The following EFCAB14 variants were observed in gnomAD, a reference collection of about 807,000 sequenced individuals.
The protein encoded by EFCAB14 is EF-hand calcium-binding domain-containing protein 14.
In EFCAB14, 43 loss-of-function variants were observed where a neutral mutation model predicts 56.5. The ratio of observed to expected loss-of-function variants is 0.76; its 90% CI spans 0.60 to 0.98. The LOEUF (loss-of-function observed/expected upper bound fraction) is 0.98, where lower values mean the gene tolerates loss of function less well. Among genes scored for constraint, EFCAB14 ranks in the 50% least tolerant of loss-of-function variants. EFCAB14 has a pLI of 0.00. For synonymous variants in EFCAB14, 235 were observed against 212.9 expected (o/e 1.10, Z -0.90); for missense variants, 538 against 580.3 (o/e 0.93, Z 0.75).
At chr1:46,704,626 C>A (rs916083586) in intron 3 of EFCAB14, among the ~76,000 whole-genome samples, 8 of 152,090 alleles carry the variant, frequency 5.3e-5, no homozygotes, top group Non-Finnish European at 8.8e-5. Context: ...CTTCCCAGCC[C>A]CTGTTGTTTT....
chr1:46,680,638 C>T (rs775053356), intron 10 of EFCAB14, among the ~76,000 whole-genome samples: 5 of 152,066 alleles, frequency 3.3e-5, no homozygotes, highest in African/African-American at 1.2e-4. Flanking sequence ...TGAAAATGTT[C>T]TGGAATTAGA....
chr1:46,689,480 T>C (rs1352870630), intron 6 of EFCAB14, 107 bp downstream of exon 6: 8 of 1,024,094 alleles, frequency 7.8e-6, no homozygotes, highest in Non-Finnish European at 1.2e-5. Context: ...GGCAGGCAAA[T>C]AAATACAGGA....
At chr1:46,700,620 T>C (rs1171824956) in intron 3 of EFCAB14, among the ~76,000 whole-genome samples, 2 of 152,222 alleles carry the variant, frequency 1.3e-5, no homozygotes, top group Admixed American at 1.3e-4. Flanking sequence ...TCTAGGAATA[T>C]CCATCAAAAT....
At chr1:46,698,117 T>A (rs909893607) in intron 3 of EFCAB14, among the ~76,000 whole-genome samples, 4 of 152,220 alleles carry the variant, frequency 2.6e-5, no homozygotes, top group African/African-American at 9.6e-5. Flanking sequence ...TCTCCCAAAG[T>A]GCTGGGATTA....
chr1:46,708,209 G>T lies in EFCAB14; in HGVS notation c.335-158C>A, dbSNP rs142368179. ...GTAAATATATATCTTTCACACTAAA[G>T]CTCCCATTTTAACTGGGGCTATTTC... On this transcript the variant is annotated intron_variant, in intron 2 of 10. Coordinates refer to ENST00000371933, the MANE Select transcript of EFCAB14 (RefSeq NM_014774.3). Among the ~76,000 whole-genome samples, 1,186 of 152,228 alleles carry T rather than the reference G, an allele frequency of 7.8e-3. 14 individuals are homozygous for T. The highest frequency in any genetic ancestry group is 0.027 in the African/African-American group (1,119 of 41,536).
At chr1:46,711,598 T>G (rs1677309304) in intron 2 of EFCAB14, among the ~76,000 whole-genome samples, 1 of 152,146 alleles carries the variant, frequency 6.6e-6, no homozygotes, top group Non-Finnish European at 1.5e-5. Flanking sequence ...TGGGAGGAAG[T>G]GTAGCAAACA....
At chr1:46,700,207 G>C (rs4274009) in intron 3 of EFCAB14, among the ~76,000 whole-genome samples, 1 of 152,114 alleles carries the variant, frequency 6.6e-6, no homozygotes, top group African/African-American at 2.4e-5. Flanking sequence ...CCAAGGAACA[G>C]ATGATCAATA....
intron 3 of EFCAB14, among the ~76,000 whole-genome samples, chr1:46,707,616 TCTA>T (rs1309159707): frequency 2.6e-5 from 4 of 152,222 alleles, no homozygotes; most frequent in Admixed American, 6.5e-5. Flanking sequence ...TGACACCTAT[TCTA>T]CTATGTAGGA....
chr1:46,688,515 C>G lies in EFCAB14; in HGVS notation c.825G>C (p.Glu275Asp). 1.2e-6 allele frequency: 2 copies of G among 1,613,554 alleles called. No individual in the cohort carries two copies. The highest frequency in any genetic ancestry group is 1.7e-6 in the Non-Finnish European group (2 of 1,179,710). ...ACCCCACTAGGGCACTGTTTACCTC[C>G]TCTAAAGAGTTGTGAAGGTACAGGA... ...QDILYLHNSL[E>D]EVNSALVGYQ... is the part of the protein sequence containing the mutation. Residue 275 changes from glutamate (E) to aspartate (D), a missense_variant, in exon 7 of 11, where the codon GAG (glutamate) becomes GAC (aspartate). By Grantham distance (45) the Glu-to-Asp change is conservative. Transcript: ENST00000371933.
chr1:46,708,507 C>G (rs559846936), intron 2 of EFCAB14, among the ~76,000 whole-genome samples: 84 of 152,238 alleles, frequency 5.5e-4, no homozygotes, highest in African/African-American at 2.0e-3. Context: ...AATTAAGGAG[C>G]TTTTAGATTA....
chr1:46,683,627 T>C (rs540171605), intron 9 of EFCAB14, among the ~76,000 whole-genome samples: 1 of 152,346 alleles, frequency 6.6e-6, no homozygotes, highest in South Asian at 2.1e-4. Flanking sequence ...ATCAGTATTA[T>C]ATTACGTTAA....
At chr1:46,700,339 A>G (rs543240004) in intron 3 of EFCAB14, among the ~76,000 whole-genome samples, 7 of 152,234 alleles carry the variant, frequency 4.6e-5, no homozygotes, top group Non-Finnish European at 8.8e-5. Context: ...AAAACATGCA[A>G]TTCTACATAA....
intron 3 of EFCAB14, among the ~76,000 whole-genome samples, chr1:46,703,398 G>A (rs1354247811): frequency 2.0e-5 from 3 of 152,196 alleles, no homozygotes; most frequent in African/African-American, 7.2e-5. Context: ...ATAAGCCACT[G>A]TGCCCGGCCT....
chr1:46,682,602 TGAA>T (rs1261617273), intron 10 of EFCAB14, among the ~76,000 whole-genome samples: 1 of 152,202 alleles, frequency 6.6e-6, no homozygotes, highest in Non-Finnish European at 1.5e-5. Context: ...GTAATATCCT[TGAA>T]GAAAGAAAAT....
chr1:46,683,015 C>T (rs17102428), intron 10 of EFCAB14, among the ~76,000 whole-genome samples: 37,936 of 151,886 alleles, frequency 0.25, 4,944 homozygotes, highest in East Asian at 0.35. Context: ...AAAAAAAAAG[C>T]ACAAGCTTTG....
chr1:46,706,836 G>A (rs1677240110), intron 3 of EFCAB14, among the ~76,000 whole-genome samples: 1 of 152,152 alleles, frequency 6.6e-6, no homozygotes, highest in Non-Finnish European at 1.5e-5. Context: ...GTGTCATAAG[G>A]CACCATACAC....
rs1676717864 is a variant in EFCAB14, at chr1:46,677,743, G to C, written c.*718C>G. On this transcript the variant is annotated 3_prime_UTR_variant, in exon 11 of 11. Coordinates refer to ENST00000371933, the MANE Select transcript of EFCAB14 (RefSeq NM_014774.3). ...AGGTTGGGATTAGCTGAGGGAATAG[G>C]AACAAAGAACCAGAATCCTACTTCC... 6.6e-6 allele frequency: 1 copy of C among 152,170 alleles called. No homozygotes were observed. Among genetic ancestry groups the C allele is most frequent in the Non-Finnish European group, 1.5e-5 (1 of 68,040 alleles). 9.4% of individuals were successfully genotyped at this position (152,170 alleles called of 1,614,324 possible). A position where few individuals can be genotyped will look rare whatever the true frequency, so the allele number is the denominator to read the frequency against.
chr1:46,701,547 T>A (rs757793515), intron 3 of EFCAB14, among the ~76,000 whole-genome samples: 39 of 152,206 alleles, frequency 2.6e-4, no homozygotes, highest in Non-Finnish European at 3.1e-4. Context: ...GCAGAGTGCA[T>A]GGCTAATCAG....
intron 4 of EFCAB14, among the ~76,000 whole-genome samples, chr1:46,692,997 C>A (rs1392517734): frequency 1.3e-5 from 2 of 152,158 alleles, no homozygotes; most frequent in Non-Finnish European, 2.9e-5. Context: ...CAGTAGACTG[C>A]CACTTGTTAG....
Sources: allele counts gnomAD v4.1 joint callset (sites outside exome capture counted in the v4.1 genomes callset), GRCh38; gene constraint gnomAD v4.1.1; transcripts MANE v1.5; gene names NCBI Gene and HGNC (gene_info 2026-07-23, HGNC 2026-07-21).